The following CAMTA1 variants were observed in gnomAD, a reference collection of about 807,000 sequenced individuals.
CAMTA1 encodes the protein calmodulin-binding transcription activator 1.
A neutral mutation model predicts 170.9 loss-of-function variants in CAMTA1; 27 were observed. The ratio of observed to expected loss-of-function variants is 0.16; its 90% CI spans 0.12 to 0.22. The LOEUF is 0.22. CAMTA1 is among the 10% of genes least tolerant of loss of function. The probability of loss-of-function intolerance (pLI) is 1.00; values close to 1 mark genes in which losing one functional copy is unlikely to be tolerated. For missense variants in CAMTA1, 1,619 were observed against 2,217.2 expected (o/e 0.73, Z 5.42); for synonymous variants, 833 against 891.5 (o/e 0.93, Z 1.17).
intron 3 of CAMTA1, among the ~76,000 whole-genome samples, chr1:6,920,040 G>A (rs994303943): frequency 2.6e-5 from 4 of 152,030 alleles, no homozygotes; most frequent in African/African-American, 9.7e-5. Context: ...CATCCCAACA[G>A]CCCCCCAAGT....
intron 5 of CAMTA1, among the ~76,000 whole-genome samples, chr1:7,262,979 G>A (rs1486150502): frequency 2.6e-5 from 4 of 152,166 alleles, no homozygotes; most frequent in Non-Finnish European, 1.5e-5. Context: ...CCTGGAAGGC[G>A]GTTGGTTAAG....
intron 5 of CAMTA1, among the ~76,000 whole-genome samples, chr1:7,377,401 G>A (rs2086920403): frequency 6.6e-6 from 1 of 152,198 alleles, no homozygotes; most frequent in South Asian, 2.1e-4. Flanking sequence ...CCTCCTTACT[G>A]TTCTCTATTC....
intron 4 of CAMTA1, among the ~76,000 whole-genome samples, chr1:7,176,192 G>T (rs56101624): frequency 0.014 from 2,084 of 152,320 alleles, 47 homozygotes; most frequent in African/African-American, 0.044. Flanking sequence ...GCTGCATTTT[G>T]TCAGATCAGA....
intron 6 of CAMTA1, among the ~76,000 whole-genome samples, chr1:7,574,977 A>G (rs1576169234): frequency 6.6e-6 from 1 of 152,314 alleles, no homozygotes; most frequent in Admixed American, 6.5e-5. Flanking sequence ...TGGCAGCCGC[A>G]TGTTGAGCTC....
At chr1:7,678,006 G>A (rs759380511) in intron 11 of CAMTA1, among the ~76,000 whole-genome samples, 22 of 152,326 alleles carry the variant, frequency 1.4e-4, no homozygotes, top group Non-Finnish European at 3.1e-4. Flanking sequence ...TGGCTGGCAC[G>A]CCTGCTGGGC....
intron 3 of CAMTA1, among the ~76,000 whole-genome samples, chr1:6,963,437 C>CAG (rs1690927406): frequency 6.6e-6 from 1 of 151,968 alleles, no homozygotes; most frequent in Non-Finnish European, 1.5e-5. Flanking sequence ...TGGCGCCCCG[C>CAG]AGCGGCAAGC....
intron 3 of CAMTA1, among the ~76,000 whole-genome samples, chr1:7,022,213 A>G (rs1405492888): frequency 6.6e-6 from 1 of 152,196 alleles, no homozygotes; most frequent in African/African-American, 2.4e-5. Context: ...TCTGGCTCAC[A>G]GGCAGTCACC....
At chr1:7,126,266 C>A (rs1644927522) in intron 4 of CAMTA1, among the ~76,000 whole-genome samples, 1 of 152,146 alleles carries the variant, frequency 6.6e-6, no homozygotes. Flanking sequence ...AGCAGTCCCG[C>A]AAACCTAACA....
intron 4 of CAMTA1, chr1:7,142,030 G>A (rs1341013777): frequency 5.9e-6 from 3 of 504,944 alleles, no homozygotes; most frequent in Non-Finnish European, 7.9e-6. Flanking sequence ...CCCACCTCAC[G>A]CTAGCTTCCT....
intron 5 of CAMTA1, among the ~76,000 whole-genome samples, chr1:7,335,123 T>TC: frequency 1.8e-5 from 1 of 54,892 alleles, no homozygotes; most frequent in South Asian, 9.4e-4. Context: ...CAGCACAGCT[T>TC]TTGTGTGTGT....
rs936696876 is a variant in CAMTA1, at chr1:7,224,823, C to CT, written c.303-24668_303-24667insT. Reference sequence around the variant, plus strand: ...GCTGCTCCATGTCGTCTGGATGGTCCGTTGGCACCCTGCCCACCGCACTTC... The same window carrying CT: ...GCTGCTCCATGTCGTCTGGATGGTCCTGTTGGCACCCTGCCCACCGCACTTC... On this transcript the variant is annotated intron_variant, in intron 4 of 22. Coordinates refer to ENST00000303635, the MANE Select transcript of CAMTA1 (RefSeq NM_015215.4). This position sits in a 1 kb window ranked among gnomAD's most constrained non-coding sequence, Gnocchi z 5.2. Among the ~76,000 whole-genome samples the CT allele has an allele frequency of 6.6e-6, 1 of 152,112 alleles. No individual in the cohort carries two copies. Among genetic ancestry groups the CT allele is most frequent in the African/African-American group, 2.4e-5 (1 of 41,374 alleles).
At chr1:7,211,813 G>A (rs187725802) in intron 4 of CAMTA1, among the ~76,000 whole-genome samples, 102 of 152,302 alleles carry the variant, frequency 6.7e-4, no homozygotes, top group African/African-American at 2.3e-3. Context: ...GCATGTGTGA[G>A]GATACATTCA....
At chr1:7,080,230 A>G (rs1391750331) in intron 3 of CAMTA1, among the ~76,000 whole-genome samples, 8 of 152,218 alleles carry the variant, frequency 5.3e-5, no homozygotes, top group Non-Finnish European at 1.0e-4. Flanking sequence ...CATACAACCA[A>G]AGGGAGATGG....
At chr1:7,379,894 G>T (rs1442677523) in intron 5 of CAMTA1, among the ~76,000 whole-genome samples, 1 of 152,176 alleles carries the variant, frequency 6.6e-6, no homozygotes, top group African/African-American at 2.4e-5. Context: ...CGTCTGCCTT[G>T]CGCCATGGAG....
chr1:6,905,244 A>G (rs1678167519), intron 3 of CAMTA1, among the ~76,000 whole-genome samples: 1 of 136,164 alleles, frequency 7.3e-6, no homozygotes. Flanking sequence ...CCCAGGCTAG[A>G]GTGCAGTGGT....
At chr1:6,998,329 C>T (rs925869497) in intron 3 of CAMTA1, among the ~76,000 whole-genome samples, 2 of 152,122 alleles carry the variant, frequency 1.3e-5, no homozygotes, top group African/African-American at 4.8e-5. Context: ...CATCTCTGAG[C>T]GCTTTCTTCT....
chr1:6,954,809 C>A (rs34204447), intron 3 of CAMTA1, among the ~76,000 whole-genome samples: 1 of 151,992 alleles, frequency 6.6e-6, no homozygotes, highest in Non-Finnish European at 1.5e-5. Flanking sequence ...GCTGAGCTGG[C>A]GGGGCCCTGC....
intron 4 of CAMTA1, among the ~76,000 whole-genome samples, chr1:7,205,347 C>T (rs543990217): frequency 2.4e-4 from 36 of 152,288 alleles, no homozygotes; most frequent in Non-Finnish European, 4.4e-4. Context: ...AGGTGATCCA[C>T]CCACCTTGGC....
intron 5 of CAMTA1, among the ~76,000 whole-genome samples, chr1:7,276,295 A>ATTTTTTTTT (rs1558345332): frequency 4.2e-4 from 9 of 21,268 alleles, no homozygotes; most frequent in African/African-American, 2.1e-3. Context: ...ATATATATAT[A>ATTTTTTTTT]TATATATATT....
Sources: gnomAD v4.1 joint callset for allele counts (sites outside exome capture counted in the v4.1 genomes callset) on GRCh38, gnomAD v4.1.1 for gene constraint, Gnocchi (gnomAD v3.1) non-coding constraint, MANE v1.5 for transcripts, NCBI Gene and HGNC (gene_info 2026-07-23, HGNC 2026-07-21) for gene names.